Variants in PLAGL1 observed in about 807,000 individuals in gnomAD.
PLAGL1 encodes the protein zinc finger protein PLAGL1.
In PLAGL1, 1 loss-of-function variant was observed where a neutral mutation model predicts 4.6. The observed-to-expected ratio is 0.22, with a 90% CI of 0.08 to 1.03. The LOEUF is 1.03. PLAGL1 is among the 50% of genes least tolerant of loss of function. The pLI, the probability that PLAGL1 is intolerant of heterozygous loss-of-function variation, is 0.58. For missense variants in PLAGL1, 464 were observed against 570.4 expected, an observed-to-expected ratio of 0.81 and a Z score of 1.90; for synonymous variants, 240 against 237.8, an observed-to-expected ratio of 1.01 and a Z score of -0.08.
rs1249190429 is a variant in PLAGL1 at position 143,975,749 on chromosome 6, C to T, written c.-543-6771G>A. Among the ~76,000 whole-genome samples the T allele has an allele frequency of 3.9e-5, 6 of 152,152 alleles. No homozygotes were observed. Among genetic ancestry groups the T allele is most frequent in the African/African-American group, 1.2e-4 (5 of 41,438 alleles). On this transcript the variant is annotated intron_variant, in intron 2 of 7. Coordinates refer to ENST00000674357, the MANE Select transcript of PLAGL1 (RefSeq NM_001317162.2). The surrounding 1 kb of genome is among the most constrained non-coding windows in gnomAD (Gnocchi z 5.8). ...AAAACAGAAACACTAATTGAAGTGT[C>T]GTTTTAAAAGGCTAATTGAGGCAAA...
Position 143,953,058 on chromosome 6 carries a change from T to C in PLAGL1, c.-324-4598A>G, listed in dbSNP as rs552984227. 2.5e-4 allele frequency among the ~76,000 whole-genome samples: 38 copies of C among 152,356 alleles called. No individual in the cohort carries two copies. Among genetic ancestry groups the C allele is most frequent in the African/African-American group, 8.9e-4 (37 of 41,588 alleles). On this transcript the variant is annotated intron_variant, in intron 6 of 7. Transcript: ENST00000674357. The surrounding 1 kb of genome is among the most constrained non-coding windows in gnomAD (Gnocchi z 5.3). ...TGTTTCCTTAAAGTGCTACTTTCTC[T>C]CACGCTTCTGGCTTTCTCCCTCCTG...
At chr6:144,014,117 A>G (rs1462783448) in intron 1 of PLAGL1, among the ~76,000 whole-genome samples, 1 of 152,184 alleles carries the variant, frequency 6.6e-6, no homozygotes, top group Non-Finnish European at 1.5e-5. Context: ...TACGCCTACT[A>G]TAAGGCTAGA....
At chr6:143,980,073 C>G (rs1191926665) in intron 2 of PLAGL1, among the ~76,000 whole-genome samples, 2 of 152,100 alleles carry the variant, frequency 1.3e-5, no homozygotes, top group African/African-American at 2.4e-5. Context: ...TTCCTTCTGA[C>G]AGGAAGCCTT....
chr6:144,030,128 G>C (rs1263501407), intron 1 of PLAGL1, among the ~76,000 whole-genome samples: 1 of 151,690 alleles, frequency 6.6e-6, no homozygotes, highest in Non-Finnish European at 1.5e-5. Flanking sequence ...GGTGGCAGGC[G>C]CCTGTAGTCC....
At chr6:144,049,688 C>T (rs1798439635) in intron 1 of PLAGL1, among the ~76,000 whole-genome samples, 3 of 152,158 alleles carry the variant, frequency 2.0e-5, no homozygotes, top group Admixed American at 2.0e-4. Flanking sequence ...CCCACCAGGT[C>T]TCTCCCTAGA....
chr6:143,987,329 G>A (rs1202047697), intron 1 of PLAGL1, among the ~76,000 whole-genome samples: 3 of 150,614 alleles, frequency 2.0e-5, no homozygotes, highest in African/African-American at 2.4e-5. Context: ...CTCAGCCTCC[G>A]AACACAGCAG....
rs1004943049 is a variant in PLAGL1, at chr6:143,949,631, C to T, written c.-324-1171G>A. On this transcript the variant is annotated intron_variant, in intron 6 of 7. Transcript: ENST00000674357. The surrounding 1 kb of genome is among the most constrained non-coding windows in gnomAD (Gnocchi z 5.3). Reference sequence around the variant, plus strand: ...AGATTTTCAGGTGGGCAAATGCTCACCTTTCAAGTGCCAATACTTAAAAAA... The same window carrying T: ...AGATTTTCAGGTGGGCAAATGCTCATCTTTCAAGTGCCAATACTTAAAAAA... Among the ~76,000 whole-genome samples the T allele has an allele frequency of 1.3e-5, 2 of 152,174 alleles. No homozygotes were observed. The highest frequency in any genetic ancestry group is 2.4e-5 in the African/African-American group (1 of 41,442).
chr6:144,033,441 G>A (rs1483597174), intron 1 of PLAGL1, among the ~76,000 whole-genome samples: 1 of 152,208 alleles, frequency 6.6e-6, no homozygotes, highest in Non-Finnish European at 1.5e-5. Flanking sequence ...TGGGGAGTGG[G>A]TAGAAGCTGG....
chr6:144,040,854 G>A (rs996042935), intron 1 of PLAGL1, among the ~76,000 whole-genome samples: 10 of 152,210 alleles, frequency 6.6e-5, no homozygotes, highest in South Asian at 2.1e-4. Context: ...TCCAGCTCAG[G>A]TGACAGACTG....
rs2128642357 is a variant in PLAGL1 at position 143,995,838 on chromosome 6, A to G, written c.-583-10664T>C. On this transcript the variant is annotated intron_variant, in intron 1 of 7. Coordinates refer to ENST00000674357, the MANE Select transcript of PLAGL1 (RefSeq NM_001317162.2). This position sits in a 1 kb window ranked among gnomAD's most constrained non-coding sequence, Gnocchi z 4.4. ...TATAAAACAGAGGTTTTTGTTTCAA[A>G]GCCCAGTAATAATAAGTATTTCCAT... 6.6e-6 allele frequency among the ~76,000 whole-genome samples: 1 copy of G among 152,320 alleles called. No individual in the cohort carries two copies. Among genetic ancestry groups the G allele is most frequent in the African/African-American group, 2.4e-5 (1 of 41,572 alleles).
Position 143,941,906 on chromosome 6 carries a change from T to C in PLAGL1, c.910A>G (p.Asn304Asp). 2 of 1,612,560 alleles carry C rather than the reference T, an allele frequency of 1.2e-6. No homozygotes were observed. The highest frequency in any genetic ancestry group is 1.7e-6 in the Non-Finnish European group (2 of 1,179,106). The change falls in exon 8 of 8, where the codon AAC becomes GAC. Residue 304 changes from asparagine to aspartate, a missense_variant. Around this residue, in one of 4 missense-constraint regions of PLAGL1, gnomAD observed 248 missense variants for 250.1 expected, o/e 0.99. Coordinates refer to ENST00000674357, the MANE Select transcript of PLAGL1 (RefSeq NM_001317162.2). The surrounding 1 kb of genome is among the most constrained non-coding windows in gnomAD (Gnocchi z 6.0). ...PPPPLPNHKY[N>D]TTSTSYSPLA... ...GGGGAGTATGAGGTAGAAGTGGTGT[T>C]GTACTTGTGATTGGGAAGGGGTGGC...
At chr6:144,024,500 C>G (rs1005997321) in intron 1 of PLAGL1, among the ~76,000 whole-genome samples, 1 of 152,170 alleles carries the variant, frequency 6.6e-6, no homozygotes, top group Non-Finnish European at 1.5e-5. Flanking sequence ...TGGGAGTTCT[C>G]TGTACAAGCT....
At position 144,015,212 on chromosome 6, in the gene PLAGL1, A is replaced by G. The variant is rs1254944624; in HGVS notation, c.-150-46234T>C. On this transcript the variant is annotated intron_variant, in intron 1 of 3. Coordinates refer to the PLAGL1 transcript ENST00000437412. This position sits in a 1 kb window ranked among gnomAD's most constrained non-coding sequence, Gnocchi z 4.3. ...TGTAAAATATCCTATTAATTTTTATATTGATTACATGTTGAAATAATATTT... is the reference window on the plus strand; with the variant it reads ...TGTAAAATATCCTATTAATTTTTATGTTGATTACATGTTGAAATAATATTT... 6.6e-6 allele frequency among the ~76,000 whole-genome samples: 1 copy of G among 152,232 alleles called. No homozygotes were observed. The highest frequency in any genetic ancestry group is 1.9e-4 in the East Asian group (1 of 5,208).
In PLAGL1 at chr6:143,995,780, A is replaced by T. The variant is rs1216910560; in HGVS notation, c.-583-10606T>A. Among the ~76,000 whole-genome samples the T allele has an allele frequency of 6.6e-6, 1 of 152,170 alleles. No individual in the cohort carries two copies. Among genetic ancestry groups the T allele is most frequent in the Non-Finnish European group, 1.5e-5 (1 of 68,028 alleles). ...AATATATTTTCCAGGGATGAAAGAGAAAATTTAACACTTGATGGGCTCAAA... is the reference window on the plus strand; with the variant it reads ...AATATATTTTCCAGGGATGAAAGAGTAAATTTAACACTTGATGGGCTCAAA... On this transcript the variant is annotated intron_variant, in intron 1 of 7. Coordinates refer to ENST00000674357, the MANE Select transcript of PLAGL1 (RefSeq NM_001317162.2). The surrounding 1 kb of genome is among the most constrained non-coding windows in gnomAD (Gnocchi z 4.4).
chr6:144,022,873 C>T lies in PLAGL1; in HGVS notation c.-151+41595G>A, dbSNP rs1320044884. 2.6e-5 allele frequency among the ~76,000 whole-genome samples: 4 copies of T among 152,336 alleles called. 1 individual carries two copies. Among genetic ancestry groups the T allele is most frequent in the African/African-American group, 9.6e-5 (4 of 41,574 alleles). ...CACACAGACTTCCCATACTACCCAG[C>T]AATCACACTCCTTGGTATTTACCCA... On this transcript the variant is annotated intron_variant, in intron 1 of 3. Transcript: ENST00000437412. The surrounding 1 kb of genome is among the most constrained non-coding windows in gnomAD (Gnocchi z 4.2).
At chr6:143,993,575 A>C (rs1791005232) in intron 1 of PLAGL1, among the ~76,000 whole-genome samples, 1 of 152,220 alleles carries the variant, frequency 6.6e-6, no homozygotes, top group South Asian at 2.1e-4. Context: ...ATCATTAGCC[A>C]AGGAAAACTT....
chr6:144,036,454 C>T lies in PLAGL1; in HGVS notation c.-151+28014G>A, dbSNP rs1484969316. Reference sequence around the variant, plus strand: ...ACCAAATGGGCAAAAATTCCACAGCCGAGCCTGCCCAGACAAGGGGACCCG... The same window carrying T: ...ACCAAATGGGCAAAAATTCCACAGCTGAGCCTGCCCAGACAAGGGGACCCG... On this transcript the variant is annotated intron_variant, in intron 1 of 3. Coordinates refer to the PLAGL1 transcript ENST00000437412. The surrounding 1 kb of genome is among the most constrained non-coding windows in gnomAD (Gnocchi z 5.1). 6.6e-6 allele frequency among the ~76,000 whole-genome samples: 1 copy of T among 152,086 alleles called. No individual in the cohort carries two copies. The highest frequency in any genetic ancestry group is 1.5e-5 in the Non-Finnish European group (1 of 68,008).
At position 144,034,500 on chromosome 6, in the gene PLAGL1, C is replaced by T. The variant is rs974451139; in HGVS notation, c.-151+29968G>A. The stretch of plus-strand genomic sequence containing the variant: ...AGAAAATAAAACACTTATTTGTTTC[C>T]TTTGTATCCTCCTCTCATTCAGGGG... On this transcript the variant is annotated intron_variant, in intron 1 of 3. Transcript: ENST00000437412. The surrounding 1 kb of genome is among the most constrained non-coding windows in gnomAD (Gnocchi z 4.7). 3.9e-5 allele frequency among the ~76,000 whole-genome samples: 6 copies of T among 152,132 alleles called. No homozygotes were observed. The highest frequency in any genetic ancestry group is 5.9e-5 in the Non-Finnish European group (4 of 68,012).
intron 1 of PLAGL1, among the ~76,000 whole-genome samples, chr6:144,047,986 T>A (rs984104599): frequency 6.6e-6 from 1 of 152,074 alleles, no homozygotes; most frequent in Non-Finnish European, 1.5e-5. Flanking sequence ...GTACAAGCAT[T>A]AGATAAATGC....
Sources: gnomAD v4.1 joint callset for allele counts (sites outside exome capture counted in the v4.1 genomes callset) on GRCh38, gnomAD v4.1.1 for gene constraint, gnomAD v4.1.1 regional missense constraint, Gnocchi (gnomAD v3.1) non-coding constraint, MANE v1.5 for transcripts, NCBI Gene and HGNC (gene_info 2026-07-23, HGNC 2026-07-21) for gene names.